The following TMEFF2 variants were observed in gnomAD, a reference collection of about 807,000 sequenced individuals.
TMEFF2 encodes the protein tomoregulin-2.
In TMEFF2, 28 loss-of-function variants were observed where a neutral mutation model predicts 53.8. That is an observed-to-expected ratio of 0.52 (90% CI 0.39 to 0.71). TMEFF2 has a LOEUF of 0.71. Ranked by LOEUF, TMEFF2 falls within the 30% of genes least tolerant of loss-of-function variation. The pLI, the probability that TMEFF2 is intolerant of heterozygous loss-of-function variation, is 0.00. For missense variants in TMEFF2, 353 were observed against 455.2 expected (o/e 0.78, Z 2.04); for synonymous variants, 162 against 166.3 (o/e 0.97, Z 0.20).
chr2:191,985,710 C>T (rs1229319628), intron 7 of TMEFF2, among the ~76,000 whole-genome samples: 1 of 152,144 alleles, frequency 6.6e-6, no homozygotes, highest in African/African-American at 2.4e-5. Flanking sequence ...TGTTTCAATA[C>T]TACAGTAATT....
chr2:191,991,550 C>G (rs568136839), intron 7 of TMEFF2, among the ~76,000 whole-genome samples: 1 of 151,932 alleles, frequency 6.6e-6, no homozygotes, highest in East Asian at 1.9e-4. Flanking sequence ...ATCAAGAAAC[C>G]GAGCCTTCAA....
At chr2:192,078,954 T>C (rs1688492932) in intron 4 of TMEFF2, among the ~76,000 whole-genome samples, 1 of 152,182 alleles carries the variant, frequency 6.6e-6, no homozygotes, top group African/African-American at 2.4e-5. Flanking sequence ...ACAGCTGGTG[T>C]ACCCTGAACC....
rs1292855125 is a variant in TMEFF2 at position 192,120,387 on chromosome 2, C to T, written c.439+59281G>A. On this transcript the variant is annotated intron_variant, in intron 4 of 9. Coordinates refer to ENST00000272771, the MANE Select transcript of TMEFF2 (RefSeq NM_016192.4). ...ACCTCTTTTAATGCTCAAACCCCACCCCACAGTGAACATGGGATGTACATT... is the reference window on the plus strand; with the variant it reads ...ACCTCTTTTAATGCTCAAACCCCACTCCACAGTGAACATGGGATGTACATT... 2.0e-5 allele frequency among the ~76,000 whole-genome samples: 3 copies of T among 152,284 alleles called. No homozygotes were observed. The East Asian group carries it at 5.8e-4, about 29-fold the overall frequency.
At chr2:192,127,120 G>A (rs1210273809) in intron 4 of TMEFF2, among the ~76,000 whole-genome samples, 1 of 152,168 alleles carries the variant, frequency 6.6e-6, no homozygotes, top group Non-Finnish European at 1.5e-5. Flanking sequence ...TGACAGATGA[G>A]AGTCTGTGGC....
intron 4 of TMEFF2, among the ~76,000 whole-genome samples, chr2:192,104,155 G>T (rs73982394): frequency 0.033 from 4,982 of 152,162 alleles, 293 homozygotes; most frequent in African/African-American, 0.11. Context: ...AAGGTAAAAG[G>T]GGGTAGCAGT....
At chr2:192,101,874 G>A (rs1376901711) in intron 4 of TMEFF2, among the ~76,000 whole-genome samples, 8 of 152,156 alleles carry the variant, frequency 5.3e-5, no homozygotes, top group Non-Finnish European at 1.0e-4. Flanking sequence ...CAAGTATGAT[G>A]TTAACTCCGG....
chr2:191,967,679 G>C (rs1160828561), intron 7 of TMEFF2, among the ~76,000 whole-genome samples: 1 of 152,098 alleles, frequency 6.6e-6, no homozygotes, highest in East Asian at 1.9e-4. Flanking sequence ...TCTGATGCTA[G>C]GCTTTCCTGC....
chr2:192,115,643 CA>C (rs1171417679), intron 4 of TMEFF2, among the ~76,000 whole-genome samples: 2 of 151,760 alleles, frequency 1.3e-5, no homozygotes, highest in Non-Finnish European at 3.0e-5. Context: ...TAGCAAAAAT[CA>C]AAAACAAACC....
In TMEFF2 at chr2:192,119,109, G is replaced by A. The variant is rs144107921; in HGVS notation, c.439+60559C>T. Among the ~76,000 whole-genome samples the A allele has an allele frequency of 5.8e-3, 878 of 152,180 alleles. 2 individuals carry two copies. The highest frequency in any genetic ancestry group is 8.8e-3 in the Non-Finnish European group (599 of 67,992). ...AGAAGCCAATGAATAAATATTTTAG[G>A]CTTTGTGGGCCAAGGGGCAAAATCA... On this transcript the variant is annotated intron_variant, in intron 4 of 9. Coordinates refer to ENST00000272771, the MANE Select transcript of TMEFF2 (RefSeq NM_016192.4).
intron 5 of TMEFF2, among the ~76,000 whole-genome samples, chr2:192,057,219 AT>A (rs796796150): frequency 0.058 from 2,801 of 48,618 alleles, 85 homozygotes; most frequent in African/African-American, 0.11. Context: ...AATTATTATT[AT>A]TTTTTTTTAT....
At chr2:192,131,360 G>T (rs1689822858) in intron 4 of TMEFF2, among the ~76,000 whole-genome samples, 1 of 151,488 alleles carries the variant, frequency 6.6e-6, no homozygotes, top group African/African-American at 2.4e-5. Flanking sequence ...TCTGGGGAAG[G>T]GGCAAGTACC....
intron 5 of TMEFF2, among the ~76,000 whole-genome samples, chr2:192,037,639 GAGAA>G (rs1477901856): frequency 0.054 from 1,177 of 21,774 alleles, 11 homozygotes; most frequent in African/African-American, 0.075. Flanking sequence ...GAGAAAGAGA[GAGAA>G]AGAGAGAGAG....
At chr2:192,130,619 C>T (rs959751459) in intron 4 of TMEFF2, among the ~76,000 whole-genome samples, 1 of 152,066 alleles carries the variant, frequency 6.6e-6, no homozygotes, top group Non-Finnish European at 1.5e-5. Context: ...CCTTGTGACC[C>T]CCGCCCCTGC....
At chr2:192,034,174 CAAAAAA>C (rs5837274) in intron 5 of TMEFF2, among the ~76,000 whole-genome samples, 5 of 105,366 alleles carry the variant, frequency 4.7e-5, no homozygotes, top group South Asian at 3.5e-4. Flanking sequence ...GACTCCATTT[CAAAAAA>C]AAAAAAAAAA....
At chr2:191,951,649 G>C (rs1405665764) in intron 9 of TMEFF2, among the ~76,000 whole-genome samples, 1 of 152,108 alleles carries the variant, frequency 6.6e-6, no homozygotes, top group Non-Finnish European at 1.5e-5. Flanking sequence ...TTTGGAGACA[G>C]ACAGCCTAGT....
intron 4 of TMEFF2, among the ~76,000 whole-genome samples, chr2:192,070,909 G>A (rs77887596): frequency 0.013 from 1,946 of 151,944 alleles, 53 homozygotes; most frequent in African/African-American, 0.043. Flanking sequence ...TTTCCTAGGT[G>A]CCTTGTGGTT....
intron 4 of TMEFF2, among the ~76,000 whole-genome samples, chr2:192,089,749 G>A (rs1688749286): frequency 6.6e-6 from 1 of 152,058 alleles, no homozygotes; most frequent in Non-Finnish European, 1.5e-5. Context: ...ACCTCTTTAA[G>A]GTTTTGTTTT....
intron 7 of TMEFF2, among the ~76,000 whole-genome samples, chr2:191,963,257 G>A (rs1049612223): frequency 6.6e-6 from 1 of 152,150 alleles, no homozygotes; most frequent in Non-Finnish European, 1.5e-5. Context: ...GCCATTTTAT[G>A]CTAAGAATAT....
chr2:192,123,295 C>A (rs1421607409), intron 4 of TMEFF2, among the ~76,000 whole-genome samples: 1 of 152,080 alleles, frequency 6.6e-6, no homozygotes, highest in African/African-American at 2.4e-5. Context: ...ATATGATGTG[C>A]TAATTTGATT....
Sources: allele counts gnomAD v4.1 joint callset (sites outside exome capture counted in the v4.1 genomes callset), GRCh38; gene constraint gnomAD v4.1.1; transcripts MANE v1.5; gene names NCBI Gene and HGNC (gene_info 2026-07-23, HGNC 2026-07-21).